The following TRDN variants were observed in gnomAD, a reference collection of about 807,000 sequenced individuals.
TRDN encodes the protein triadin.
Under a neutral mutation model 149.7 loss-of-function variants are expected in TRDN, and 161 were observed. The ratio of observed to expected loss-of-function variants is 1.08; its 90% CI spans 0.95 to 1.23. TRDN has a LOEUF of 1.23. Ranked by LOEUF, TRDN falls within the 50% of genes most tolerant of loss-of-function variation. The pLI, the probability that TRDN is intolerant of heterozygous loss-of-function variation, is 0.00. For synonymous variants in TRDN, 294 were observed against 250.5 expected, an observed-to-expected ratio of 1.17 and a Z score of -1.64; for missense variants, 896 against 823.5, an observed-to-expected ratio of 1.09 and a Z score of -1.08.
chr6:123,529,226 T>C (rs527596239), intron 5 of TRDN: 33 of 1,548,626 alleles, frequency 2.1e-5, no homozygotes, highest in East Asian at 2.4e-5. Context: ...CTTCAGCAGA[T>C]AGAAACACAG....
intron 10 of TRDN, among the ~76,000 whole-genome samples, chr6:123,448,021 G>A (rs1018351324): frequency 6.6e-6 from 1 of 152,160 alleles, no homozygotes; most frequent in African/African-American, 2.4e-5. Context: ...ACTTTATCAG[G>A]AGCTGAGTCA....
chr6:123,320,998 G>A (rs991282), intron 23 of TRDN, among the ~76,000 whole-genome samples: 72,631 of 151,852 alleles, frequency 0.48, 19,101 homozygotes, highest in Non-Finnish European at 0.61. Flanking sequence ...ATTTAAAAGC[G>A]GGTCACAAAA....
chr6:123,415,665 C>G (rs1053704035), intron 12 of TRDN, among the ~76,000 whole-genome samples: 2 of 152,166 alleles, frequency 1.3e-5, no homozygotes, highest in Admixed American at 1.3e-4. Flanking sequence ...TGGTCTCTCT[C>G]TGGATTCAAG....
chr6:123,290,790 T>C (rs1391741066), intron 24 of TRDN, among the ~76,000 whole-genome samples: 2 of 152,140 alleles, frequency 1.3e-5, no homozygotes, highest in African/African-American at 4.8e-5. Context: ...TTGGAAGTTA[T>C]TAAAAGGGAG....
chr6:123,382,250 C>T, intron 14 of TRDN, 103 bp from the exon 15 acceptor site: 2 of 727,628 alleles, frequency 2.7e-6, no homozygotes, highest in Non-Finnish European at 4.2e-6. Context: ...ATTGATTATT[C>T]AACAAATTGA....
At chr6:123,569,614 G>T (rs1690763365) in intron 2 of TRDN, among the ~76,000 whole-genome samples, 1 of 152,200 alleles carries the variant, frequency 6.6e-6, no homozygotes, top group African/African-American at 2.4e-5. Context: ...CATGATGCTG[G>T]TGTCTTCTTG....
chr6:123,516,557 C>A (rs1241667854), intron 5 of TRDN, among the ~76,000 whole-genome samples: 1 of 151,918 alleles, frequency 6.6e-6, no homozygotes, highest in Non-Finnish European at 1.5e-5. Context: ...TGGATGAATG[C>A]TTGAAATATG....
Position 123,412,859 on chromosome 6 carries a change from G to GA in TRDN, c.1052-19183dup, listed in dbSNP as rs1235579249. On this transcript the variant is annotated intron_variant, in intron 12 of 40. Transcript: ENST00000334268. ...TTCTCATCATGTGATAAAATCATAA[G>GA]AAAAAAATAAAGAAAAATTATGTTC... Among the ~76,000 whole-genome samples the GA allele has an allele frequency of 4.0e-5, 6 of 151,828 alleles. No homozygotes were observed. In the East Asian group the frequency reaches 1.2e-3, roughly 29 times the overall value.
At position 123,266,449 on chromosome 6, in the gene TRDN, T is replaced by G; in HGVS notation, c.1784-1111A>C. Among the ~76,000 whole-genome samples the G allele has an allele frequency of 2.2e-5, 2 of 89,524 alleles. 1 individual carries two copies. The highest frequency in any genetic ancestry group is 3.8e-5 in the Non-Finnish European group (2 of 52,938). 58.7% of individuals were successfully genotyped at this position (89,524 alleles called of 152,430 possible). A position where few individuals can be genotyped will look rare whatever the true frequency, so the allele number is the denominator to read the frequency against. ...ATATGTATTATATATAATATATAGATTATGATATGTATTATATATAATATA... is the reference window on the plus strand; with the variant it reads ...ATATGTATTATATATAATATATAGAGTATGATATGTATTATATATAATATA... On this transcript the variant is annotated intron_variant, in intron 32 of 40. Transcript: ENST00000334268.
At chr6:123,531,514 C>A (rs1207281808) in intron 4 of TRDN, among the ~76,000 whole-genome samples, 1 of 152,050 alleles carries the variant, frequency 6.6e-6, no homozygotes, top group Non-Finnish European at 1.5e-5. Context: ...AAGACAGCTA[C>A]TAGCTTTCAT....
intron 7 of TRDN, among the ~76,000 whole-genome samples, 175 bp from the exon 8 acceptor site, chr6:123,504,076 A>G (rs1358263178): frequency 6.6e-6 from 1 of 151,808 alleles, no homozygotes; most frequent in Non-Finnish European, 1.5e-5. Context: ...TGTTCTTAAC[A>G]TAAACACTTG....
chr6:123,465,540 G>T, intron 9 of TRDN, among the ~76,000 whole-genome samples: 1 of 121,170 alleles, frequency 8.3e-6, no homozygotes, highest in Non-Finnish European at 1.6e-5. Flanking sequence ...ATAGAACTTT[G>T]AAAGCTTCTC....
intron 19 of TRDN, among the ~76,000 whole-genome samples, chr6:123,367,103 C>T (rs1446803841): frequency 6.6e-6 from 1 of 151,984 alleles, no homozygotes; most frequent in African/African-American, 2.4e-5. Context: ...AGGAGAGCTG[C>T]CCTGAAGTCA....
At chr6:123,349,588 G>A in intron 21 of TRDN, 4 of 890,052 alleles carry the variant, frequency 4.5e-6, no homozygotes, top group Non-Finnish European at 5.4e-6. Context: ...ATACAATTGT[G>A]TTAACTAAAT....
chr6:123,591,837 A>G (rs1018188353), intron 1 of TRDN, among the ~76,000 whole-genome samples: 38 of 152,226 alleles, frequency 2.5e-4, no homozygotes, highest in Admixed American at 5.2e-4. Context: ...TCATGCCCAT[A>G]TTTCAAAAGA....
chr6:123,312,880 T>A (rs1288418239), intron 24 of TRDN, among the ~76,000 whole-genome samples: 1 of 152,002 alleles, frequency 6.6e-6, no homozygotes, highest in Non-Finnish European at 1.5e-5. Flanking sequence ...CACTTGTTTG[T>A]AAATTTTATA....
intron 2 of TRDN, among the ~76,000 whole-genome samples, chr6:123,566,049 C>T (rs1487658581): frequency 6.6e-6 from 1 of 152,178 alleles, no homozygotes; most frequent in Admixed American, 6.5e-5. Flanking sequence ...ATATAATAAA[C>T]CCTTATTCTA....
chr6:123,390,049 G>C (rs762775471), intron 13 of TRDN, among the ~76,000 whole-genome samples: 1 of 151,952 alleles, frequency 6.6e-6, no homozygotes, highest in African/African-American at 2.4e-5. Context: ...TGGATGGATG[G>C]GTATGGGGAA....
At chr6:123,433,143 A>AAT (rs540516694) in intron 12 of TRDN, among the ~76,000 whole-genome samples, 29,611 of 95,854 alleles carry the variant, frequency 0.31, 3,998 homozygotes, top group Non-Finnish European at 0.33. Flanking sequence ...ACACATCATA[A>AAT]ATATATATAT....
Sources: gnomAD v4.1 joint callset for allele counts (sites outside exome capture counted in the v4.1 genomes callset) on GRCh38, gnomAD v4.1.1 for gene constraint, MANE v1.5 for transcripts, NCBI Gene and HGNC (gene_info 2026-07-23, HGNC 2026-07-21) for gene names.